The following GALNTL6 variants were observed in gnomAD, a reference collection of about 807,000 sequenced individuals.
The protein encoded by GALNTL6 is polypeptide N-acetylgalactosaminyltransferase-like 6.
Under a neutral mutation model 73.7 loss-of-function variants are expected in GALNTL6, and 46 were observed. The observed-to-expected ratio is 0.62, with a 90% confidence interval of 0.49 to 0.80. GALNTL6 has a LOEUF of 0.80. GALNTL6 is among the 30% of genes least tolerant of loss of function. The pLI is 0.00. For missense variants in GALNTL6, 604 were observed against 755.0 expected, an observed-to-expected ratio of 0.80 and a Z score of 2.34; for synonymous variants, 259 against 263.7, an observed-to-expected ratio of 0.98 and a Z score of 0.17.
chr4:171,912,133 A>T (rs1219491648), intron 2 of GALNTL6, among the ~76,000 whole-genome samples: 1 of 152,174 alleles, frequency 6.6e-6, no homozygotes, highest in African/African-American at 2.4e-5. Context: ...TAGGACAATC[A>T]CTAAAGGAAA....
chr4:172,536,864 G>A lies in GALNTL6; in HGVS notation c.553+188175G>A, dbSNP rs118143991. Reference sequence around the variant, plus strand: ...TGAGGAGCCAAATGCTAATCACCAAGACAATGGGGAAAATGTCAGTGTGAC... The same window carrying A: ...TGAGGAGCCAAATGCTAATCACCAAAACAATGGGGAAAATGTCAGTGTGAC... On this transcript the variant is annotated intron_variant, in intron 5 of 12. Transcript: ENST00000506823. Among the ~76,000 whole-genome samples, 150 of 152,312 alleles carry A rather than the reference G, an allele frequency of 9.8e-4. 1 individual carries two copies. The East Asian group carries it at 0.023, about 23-fold the overall frequency.
At chr4:172,033,828 A>T (rs1320510255) in intron 2 of GALNTL6, among the ~76,000 whole-genome samples, 3 of 152,136 alleles carry the variant, frequency 2.0e-5, no homozygotes, top group Non-Finnish European at 2.9e-5. Flanking sequence ...TAGACCCTTT[A>T]GATAGACCAA....
At chr4:172,038,816 T>C (rs1742008302) in intron 2 of GALNTL6, among the ~76,000 whole-genome samples, 1 of 152,090 alleles carries the variant, frequency 6.6e-6, no homozygotes. Flanking sequence ...AACAAGGAAA[T>C]AGAAAGTGAT....
At chr4:172,043,242 C>A (rs184592679) in intron 2 of GALNTL6, among the ~76,000 whole-genome samples, 220 of 152,146 alleles carry the variant, frequency 1.4e-3, no homozygotes, top group Middle Eastern at 3.4e-3. Flanking sequence ...AATGTAATCT[C>A]TTTATACAGT....
At chr4:171,987,812 A>T (rs550912985) in intron 2 of GALNTL6, among the ~76,000 whole-genome samples, 1 of 152,260 alleles carries the variant, frequency 6.6e-6, no homozygotes, top group Non-Finnish European at 1.5e-5. Context: ...GGTGAGGAAC[A>T]GGAAAGAAGG....
intron 2 of GALNTL6, among the ~76,000 whole-genome samples, chr4:172,035,713 C>G (rs1268888159): frequency 6.6e-6 from 1 of 152,090 alleles, no homozygotes; most frequent in Non-Finnish European, 1.5e-5. Context: ...TGGAGCACTC[C>G]TTTCATATTT....
At chr4:172,032,521 A>G (rs1315962428) in intron 2 of GALNTL6, among the ~76,000 whole-genome samples, 1 of 152,072 alleles carries the variant, frequency 6.6e-6, no homozygotes, top group Non-Finnish European at 1.5e-5. Flanking sequence ...ATATCAGTAG[A>G]TATTTAATTC....
intron 3 of GALNTL6, among the ~76,000 whole-genome samples, chr4:172,265,025 C>A (rs916422743): frequency 6.6e-6 from 1 of 151,760 alleles, no homozygotes; most frequent in Admixed American, 6.6e-5. Context: ...AGTGATAATT[C>A]TTACTTATTG....
At chr4:172,768,837 A>G (rs1560939892) in intron 5 of GALNTL6, among the ~76,000 whole-genome samples, 1 of 151,948 alleles carries the variant, frequency 6.6e-6, no homozygotes, top group Non-Finnish European at 1.5e-5. Flanking sequence ...AGCTATTTCA[A>G]CAGTTTCCAC....
intron 2 of GALNTL6, among the ~76,000 whole-genome samples, chr4:171,921,147 C>T (rs1737774615): frequency 6.6e-6 from 1 of 151,922 alleles, no homozygotes; most frequent in African/African-American, 2.4e-5. Flanking sequence ...TTTTTAGTTA[C>T]AAATTGACAA....
intron 8 of GALNTL6, among the ~76,000 whole-genome samples, chr4:172,892,270 T>C: frequency 6.6e-6 from 1 of 152,222 alleles, no homozygotes; most frequent in East Asian, 1.9e-4. Context: ...GGCAATTCTT[T>C]TTCCTTTTTA....
chr4:172,549,423 A>C (rs1432863245), intron 5 of GALNTL6, among the ~76,000 whole-genome samples: 1 of 152,120 alleles, frequency 6.6e-6, no homozygotes, highest in African/African-American at 2.4e-5. Flanking sequence ...ACCTAACTTC[A>C]CTTGTGTTAC....
At chr4:172,443,919 A>G (rs1020511651) in intron 5 of GALNTL6, among the ~76,000 whole-genome samples, 1 of 152,180 alleles carries the variant, frequency 6.6e-6, no homozygotes, top group African/African-American at 2.4e-5. Flanking sequence ...AACCTTTAGG[A>G]TGCTTTGAGG....
chr4:172,576,256 G>A (rs1243458161), intron 5 of GALNTL6, among the ~76,000 whole-genome samples: 1 of 151,906 alleles, frequency 6.6e-6, no homozygotes, highest in South Asian at 2.1e-4. Flanking sequence ...CCAGGAACCG[G>A]GGGAGACTGT....
chr4:171,838,494 C>G (rs1004212628), intron 2 of GALNTL6, among the ~76,000 whole-genome samples: 2 of 151,840 alleles, frequency 1.3e-5, no homozygotes, highest in Non-Finnish European at 2.9e-5. Context: ...CTTTTTCTCT[C>G]TCTTCTCCCT....
chr4:172,983,669 T>C (rs908621704), intron 10 of GALNTL6, among the ~76,000 whole-genome samples: 4 of 152,184 alleles, frequency 2.6e-5, no homozygotes, highest in Non-Finnish European at 5.9e-5. Flanking sequence ...CACTCCAGCC[T>C]GGACAACAAG....
At chr4:171,951,265 T>C (rs1300263889) in intron 2 of GALNTL6, among the ~76,000 whole-genome samples, 1 of 152,058 alleles carries the variant, frequency 6.6e-6, no homozygotes, top group Non-Finnish European at 1.5e-5. Context: ...GGGCAAAAAG[T>C]ATTACTAGAG....
intron 5 of GALNTL6, among the ~76,000 whole-genome samples, chr4:172,386,803 C>T (rs1199117294): frequency 1.3e-5 from 2 of 151,954 alleles, no homozygotes; most frequent in African/African-American, 2.4e-5. Flanking sequence ...CCAAGCTTGC[C>T]CCCAGCCAAT....
At chr4:172,204,487 G>A (rs1381995564) in intron 2 of GALNTL6, among the ~76,000 whole-genome samples, 1 of 152,082 alleles carries the variant, frequency 6.6e-6, no homozygotes, top group Non-Finnish European at 1.5e-5. Context: ...TTTATTCATA[G>A]GTAATAATGT....
Sources: allele counts gnomAD v4.1 joint callset (sites outside exome capture counted in the v4.1 genomes callset), GRCh38; gene constraint gnomAD v4.1.1; transcripts MANE v1.5; gene names NCBI Gene and HGNC (gene_info 2026-07-23, HGNC 2026-07-21).